The following ZNF676 variants were observed in gnomAD, a reference collection of about 807,000 sequenced individuals.
ZNF676 encodes zinc finger protein 676.
In ZNF676, 4 loss-of-function variants were observed where a neutral mutation model predicts 6.0. The observed-to-expected ratio is 0.67, with a 90% CI of 0.33 to 1.53. ZNF676 has a LOEUF of 1.53. ZNF676 is among the 40% of genes most tolerant of loss of function. The pLI is 0.06. For synonymous variants in ZNF676, 198 were observed against 223.1 expected, an observed-to-expected ratio of 0.89 and a Z score of 1.00; for missense variants, 644 against 679.7, an observed-to-expected ratio of 0.95 and a Z score of 0.58.
At chr19:22,226,990 T>A in the ZNF676 span, among the ~76,000 whole-genome samples, 2,402 of 152,270 alleles carry the variant, frequency 0.016, 76 homozygotes, top group African/African-American at 0.054. Flanking sequence ...TCCTGCCAAA[T>A]GAAAAGAGGA....
At chr19:22,193,918 A>C (rs999386847) in intron 1 of ZNF676, among the ~76,000 whole-genome samples, 1 of 151,818 alleles carries the variant, frequency 6.6e-6, no homozygotes, top group African/African-American at 2.4e-5. Context: ...AGAGCCATGC[A>C]CCTCCCACTC....
chr19:22,234,363 C>T, the ZNF676 span, among the ~76,000 whole-genome samples: 2 of 152,102 alleles, frequency 1.3e-5, no homozygotes, highest in African/African-American at 4.8e-5. Flanking sequence ...GCATTTGAGC[C>T]ACTTCCTCAT....
the ZNF676 span, among the ~76,000 whole-genome samples, chr19:22,221,290 A>T: frequency 6.6e-6 from 1 of 152,110 alleles, no homozygotes; most frequent in African/African-American, 2.4e-5. Flanking sequence ...ATTCAATTTA[A>T]ATAATTATTT....
rs1268671689 is a variant in ZNF676, at chr19:22,179,989, AAC to A, written c.1726_1727del (p.Val576Ter). ...CAGTATGAATTTTCTTATGATAACTAACAGTTGAGGATGACTTAAAAGCTTTG... is the reference window on the plus strand; with the variant it reads ...CAGTATGAATTTTCTTATGATAACTAAGTTGAGGATGACTTAAAAGCTTTG... ...CGKAFKSSSTVSYHKKIHTGE... is the reference protein window; with the variant it reads ...CGKAFKSSSTXSYHKKIHTGE... On this transcript the variant is annotated frameshift_variant, in exon 3 of 3. Coordinates refer to ENST00000397121, the MANE Select transcript of ZNF676 (RefSeq NM_001001411.3). LOFTEE classifies it low-confidence loss of function (END_TRUNC). The A allele has an allele frequency of 6.2e-7, 1 of 1,613,792 alleles. No homozygotes were observed. The highest frequency in any genetic ancestry group is 1.7e-5 in the Admixed American group (1 of 59,982).
chr19:22,252,411 G>C, the ZNF676 span, among the ~76,000 whole-genome samples: 1 of 132,262 alleles, frequency 7.6e-6, no homozygotes, highest in East Asian at 2.3e-4. Context: ...AAAAAGAAAA[G>C]AAAGTAGGAA....
At position 22,180,560 on chromosome 19, in the gene ZNF676, A is replaced by G. The variant is rs2023722047; in HGVS notation, c.1157T>C (p.Ile386Thr). The change falls in exon 3 of 3, where the codon ATT (isoleucine) becomes ACT (threonine). Residue 386 changes from isoleucine (I) to threonine (T), a missense_variant. Ile to Thr is a moderately conservative substitution (Grantham distance 89). Coordinates refer to ENST00000397121, the MANE Select transcript of ZNF676 (RefSeq NM_001001411.3). ...KVSTLNTHKA[I>T]HAEEKPYKCE... ...TTTGTAGGGCTTCTCTTCAGCATGA[A>G]TTGCCTTATGTGTATTAAGGGTTGA... 2 of 1,612,240 alleles carry G rather than the reference A, an allele frequency of 1.2e-6. No individual in the cohort carries two copies. Among genetic ancestry groups the G allele is most frequent in the East Asian group, 4.5e-5 (2 of 44,726 alleles).
At chr19:22,208,757 A>G (rs2024100598) in intron 1 of ZNF676, among the ~76,000 whole-genome samples, 1 of 152,110 alleles carries the variant, frequency 6.6e-6, no homozygotes, top group African/African-American at 2.4e-5. Flanking sequence ...CGGCATGGAC[A>G]ACATGGCAAA....
At chr19:22,190,229 A>T (rs2023884697) in intron 2 of ZNF676, among the ~76,000 whole-genome samples, 1 of 152,168 alleles carries the variant, frequency 6.6e-6, no homozygotes, top group Non-Finnish European at 1.5e-5. Flanking sequence ...AGGGACACGG[A>T]TGAAGCTGGA....
chr19:22,254,814 C>T, the ZNF676 span, among the ~76,000 whole-genome samples: 1 of 152,154 alleles, frequency 6.6e-6, no homozygotes, highest in East Asian at 1.9e-4. Flanking sequence ...CAAAATGTCA[C>T]AATGCCCTCT....
chr19:22,193,670 T>A (rs2023937815), intron 1 of ZNF676, among the ~76,000 whole-genome samples: 1 of 152,052 alleles, frequency 6.6e-6, no homozygotes, highest in Non-Finnish European at 1.5e-5. Context: ...TGCTACCCCC[T>A]CCAATAACAG....
At chr19:22,208,414 A>G (rs554376434) in intron 1 of ZNF676, among the ~76,000 whole-genome samples, 1 of 152,194 alleles carries the variant, frequency 6.6e-6, no homozygotes, top group South Asian at 2.1e-4. Context: ...ATCTCAAACC[A>G]GTGAGAATGG....
chr19:22,247,295 G>A, the ZNF676 span, among the ~76,000 whole-genome samples: 14 of 152,222 alleles, frequency 9.2e-5, no homozygotes, highest in African/African-American at 2.6e-4. Flanking sequence ...CAGGCACGGC[G>A]GCTCATGTCA....
chr19:22,243,753 C>T, the ZNF676 span: 1 of 152,248 alleles, frequency 6.6e-6, no homozygotes, highest in Admixed American at 6.5e-5. Context: ...ATCAGAGAGT[C>T]TTCACCTACC....
At chr19:22,198,298 A>G (rs1306397841), upstream of ZNF676, among the ~76,000 whole-genome samples, 1 of 152,232 alleles carries the variant, frequency 6.6e-6, no homozygotes, top group African/African-American at 2.4e-5. Context: ...TGCATGGCAT[A>G]TAAGAAGCCA....
the ZNF676 span, among the ~76,000 whole-genome samples, chr19:22,253,414 A>T: frequency 1.7e-5 from 1 of 59,412 alleles, no homozygotes; most frequent in African/African-American, 5.1e-5. Flanking sequence ...GTATATATAT[A>T]TATGATAATG....
chr19:22,244,495 C>T, the ZNF676 span: 1 of 152,210 alleles, frequency 6.6e-6, no homozygotes, highest in Non-Finnish European at 1.5e-5. Flanking sequence ...GGATATTTGT[C>T]ACAATCCCAA....
At chr19:22,182,490 A>C (rs2023769410) in intron 2 of ZNF676, among the ~76,000 whole-genome samples, 1 of 151,474 alleles carries the variant, frequency 6.6e-6, no homozygotes, top group Non-Finnish European at 1.5e-5. Flanking sequence ...GACTATAGAA[A>C]ATGAGAAAAA....
the ZNF676 span, among the ~76,000 whole-genome samples, chr19:22,235,111 G>C: frequency 8.9e-6 from 1 of 112,488 alleles, no homozygotes; most frequent in Admixed American, 1.1e-4. Flanking sequence ...AAGTCAGGAA[G>C]GCAGGAAGGC....
the ZNF676 span, among the ~76,000 whole-genome samples, chr19:22,251,216 T>G: frequency 6.6e-6 from 1 of 152,258 alleles, no homozygotes; most frequent in Admixed American, 6.5e-5. Context: ...TAATTATTTT[T>G]GCTGCACTTT....
Sources: gnomAD v4.1 joint callset for allele counts (sites outside exome capture counted in the v4.1 genomes callset) on GRCh38, gnomAD v4.1.1 for gene constraint, MANE v1.5 for transcripts, NCBI Gene and HGNC (gene_info 2026-07-23, HGNC 2026-07-21) for gene names.